The following ZFX variants were observed in gnomAD, a reference collection of about 807,000 sequenced individuals.
The protein encoded by ZFX is zinc finger X-chromosomal protein.
For synonymous variants in ZFX, 196 were observed against 226.8 expected, an observed-to-expected ratio of 0.86 and a Z score of 1.22; for missense variants, 362 against 628.3, an observed-to-expected ratio of 0.58 and a Z score of 4.53.
intron 4 of ZFX, among the ~76,000 whole-genome samples, chrX:24,178,455 A>AT (rs1316394869): frequency 9.6e-6 from 1 of 104,712 alleles, no homozygotes; most frequent in Non-Finnish European, 2.0e-5. Context: ...CACCCGGCTC[A>AT]TTTTTTTGTA....
At chrX:24,183,747 T>A (rs776508562) in intron 5 of ZFX, among the ~76,000 whole-genome samples, 177 of 108,459 alleles carry the variant, frequency 1.6e-3, no homozygotes, top group Middle Eastern at 4.7e-3. Context: ...TTTTTTTTTT[T>A]AATTTGAGAC....
chrX:24,207,463 G>C lies in ZFX; in HGVS notation c.784G>C (p.Glu262Gln), dbSNP rs1937671354. ...GTACATTTTTAAAGCTGACCCTGGA[G>C]AAGATGACTTAGGTAAGAAGAAGTG... ...KVYIFKADPG[E>Q]DDLGGTVDIV... Residue 262 changes from glutamate to glutamine, a missense_variant, in exon 6 of 10, where the codon GAA becomes CAA. Coordinates refer to ENST00000304543, the MANE Select transcript of ZFX (RefSeq NM_003410.4). 2 of 1,205,098 alleles carry C rather than the reference G, an allele frequency of 1.7e-6. No individual in the cohort carries two copies. Among genetic ancestry groups the C allele is most frequent in the Non-Finnish European group, 2.2e-6 (2 of 894,182 alleles).
intron 5 of ZFX, among the ~76,000 whole-genome samples, chrX:24,188,606 C>T (rs950376551): frequency 9.0e-6 from 1 of 110,610 alleles, no homozygotes; most frequent in Admixed American, 9.7e-5. Context: ...AAATAGGGCC[C>T]AAAACATAAA....
chrX:24,158,622 T>C (rs1476570628), intron 3 of ZFX, among the ~76,000 whole-genome samples: 1 of 110,224 alleles, frequency 9.1e-6, no homozygotes, highest in African/African-American at 3.3e-5. Context: ...TGAGAGGGGG[T>C]GCTGATGATA....
intron 5 of ZFX, among the ~76,000 whole-genome samples, chrX:24,200,032 C>T (rs993014661): frequency 9.1e-6 from 1 of 110,475 alleles, no homozygotes; most frequent in Non-Finnish European, 1.9e-5. Context: ...GAGAGGTGCT[C>T]AAGCAGTGAA....
At chrX:24,205,592 C>T (rs970670059) in intron 5 of ZFX, among the ~76,000 whole-genome samples, 10 of 112,340 alleles carry the variant, frequency 8.9e-5, no homozygotes, top group Admixed American at 2.8e-4. Context: ...TGGTGGCTCA[C>T]GCCTATAATC....
rs868212903 is a variant in ZFX, at chrX:24,205,405, T to C, written c.647-1921T>C. On this transcript the variant is annotated intron_variant, in intron 5 of 9. Transcript: ENST00000304543. ...TAGCAGTGAGTGTCCATAAGTGACA[T>C]GTAATGTAAGGCTACATTATATGGG... Among the ~76,000 whole-genome samples, 4 of 112,761 alleles carry C rather than the reference T, an allele frequency of 3.5e-5. No individual in the cohort carries two copies. The South Asian group carries it at 1.4e-3, about 41-fold the overall frequency.
intron 5 of ZFX, among the ~76,000 whole-genome samples, chrX:24,190,564 A>G (rs762256673): frequency 6.2e-5 from 7 of 112,290 alleles, no homozygotes; most frequent in Non-Finnish European, 1.1e-4. Flanking sequence ...ATTACAAGCA[A>G]TTGGAGCTTC....
At chrX:24,208,641 A>T (rs755018456) in intron 8 of ZFX, among the ~76,000 whole-genome samples, 2 of 112,043 alleles carry the variant, frequency 1.8e-5, no homozygotes, top group African/African-American at 3.2e-5. Flanking sequence ...TGTTTGGCCC[A>T]TGACTTTTTC....
chrX:24,161,512 A>T (rs1945697108), intron 3 of ZFX, among the ~76,000 whole-genome samples: 1 of 111,363 alleles, frequency 9.0e-6, no homozygotes, highest in Non-Finnish European at 1.9e-5. Context: ...TACAGTGATT[A>T]AATTAGTGGG....
At chrX:24,150,244 AG>A (rs1301365656) in intron 1 of ZFX, 3 of 13,623 alleles carry the variant, frequency 2.2e-4, no homozygotes, top group African/African-American at 9.0e-4. Flanking sequence ...GGGACGATAG[AG>A]GGGGTTGCCG....
intron 3 of ZFX, among the ~76,000 whole-genome samples, chrX:24,165,970 T>TA (rs1277276674): frequency 8.9e-6 from 1 of 112,839 alleles, no homozygotes; most frequent in African/African-American, 3.2e-5. Context: ...TGGATATTGC[T>TA]AAATTATTGA....
intron 5 of ZFX, among the ~76,000 whole-genome samples, chrX:24,204,994 A>G (rs7049514): frequency 0.027 from 3,080 of 112,401 alleles, 95 homozygotes; most frequent in African/African-American, 0.091. Context: ...TGCATCTCCA[A>G]TACCTGCCTA....
chrX:24,213,731 C>G lies in ZFX; in HGVS notation c.*2355C>G, dbSNP rs1233241011. ...ACTTACAATTTTGTGATCCGTGATT[C>G]ATTGCCCTGCGATTCTTGAAAGCTC... On this transcript the variant is annotated 3_prime_UTR_variant, in exon 10 of 10. Transcript: ENST00000304543. The G allele has an allele frequency of 1.1e-5, 1 of 92,607 alleles. No homozygotes were observed. The highest frequency in any genetic ancestry group is 2.2e-5 in the Non-Finnish European group (1 of 46,356). 7.6% of individuals were successfully genotyped at this position (92,607 alleles called of 1,213,427 possible). A position where few individuals can be genotyped will look rare whatever the true frequency, so the allele number is the denominator to read the frequency against.
At chrX:24,199,871 C>T (rs111280872) in intron 5 of ZFX, among the ~76,000 whole-genome samples, 4 of 108,189 alleles carry the variant, frequency 3.7e-5, no homozygotes, top group African/African-American at 1.0e-4. Flanking sequence ...GAGCTGAGAT[C>T]GCACCATTGC....
chrX:24,189,832 T>G (rs1475305786), intron 5 of ZFX, among the ~76,000 whole-genome samples: 6 of 111,847 alleles, frequency 5.4e-5, no homozygotes, highest in African/African-American at 1.9e-4. Flanking sequence ...ACAGAAGAGA[T>G]AGTAAAATAT....
chrX:24,193,794 A>G (rs1374601275), intron 5 of ZFX, among the ~76,000 whole-genome samples: 1 of 112,027 alleles, frequency 8.9e-6, no homozygotes, highest in African/African-American at 3.2e-5. Flanking sequence ...TTTTAAAATT[A>G]TTGTTTTTTA....
intron 5 of ZFX, among the ~76,000 whole-genome samples, chrX:24,204,613 G>A (rs1937512919): frequency 8.9e-6 from 1 of 112,127 alleles, no homozygotes; most frequent in Non-Finnish European, 1.9e-5. Flanking sequence ...CGAAAAGAAA[G>A]CATGTTTAGA....
At chrX:24,163,868 G>A (rs1048808419) in intron 3 of ZFX, among the ~76,000 whole-genome samples, 54 of 100,700 alleles carry the variant, frequency 5.4e-4, no homozygotes, top group African/African-American at 2.0e-3. Context: ...AATTCATTAC[G>A]ATCGGGTTTT....
Sources: gnomAD v4.1 joint callset for allele counts (sites outside exome capture counted in the v4.1 genomes callset) on GRCh38, gnomAD v4.1.1 for gene constraint, MANE v1.5 for transcripts, NCBI Gene and HGNC (gene_info 2026-07-23, HGNC 2026-07-21) for gene names.